GPC5: variants seen among roughly 807,000 people sequenced by gnomAD.
GPC5 encodes glypican 5, also known as glypican-5.
In GPC5, 47 loss-of-function variants were observed where a neutral mutation model predicts 53.9. The ratio of observed to expected loss-of-function variants is 0.87; its 90% CI spans 0.69 to 1.11. GPC5 has a LOEUF of 1.11. Among genes scored for constraint, GPC5 ranks in the 50% most tolerant of loss-of-function variants. The pLI is 0.00. For synonymous variants in GPC5, 286 were observed against 263.3 expected (o/e 1.09, Z -0.84); for missense variants, 748 against 713.1 (o/e 1.05, Z -0.56).
chr13:92,091,372 T>A (rs1299980454), intron 6 of GPC5, among the ~76,000 whole-genome samples: 1 of 152,128 alleles, frequency 6.6e-6, no homozygotes, highest in African/African-American at 2.4e-5. Context: ...AGGATTAAGA[T>A]TTTCTAATAC....
chr13:91,677,296 T>A (rs1006414282), intron 2 of GPC5, among the ~76,000 whole-genome samples: 1 of 152,158 alleles, frequency 6.6e-6, no homozygotes, highest in Non-Finnish European at 1.5e-5. Flanking sequence ...TTTTAATGAT[T>A]TTCAAATATA....
At chr13:92,403,171 G>GA (rs1875635041) in intron 7 of GPC5, among the ~76,000 whole-genome samples, 1 of 152,052 alleles carries the variant, frequency 6.6e-6, no homozygotes, top group South Asian at 2.1e-4. Flanking sequence ...ACAAGATGCC[G>GA]AAAAAATGGT....
At chr13:91,539,881 A>C (rs537093843) in intron 2 of GPC5, among the ~76,000 whole-genome samples, 1 of 152,130 alleles carries the variant, frequency 6.6e-6, no homozygotes, top group Admixed American at 6.5e-5. Context: ...GAAAAAAAAA[A>C]CCTGACAAGT....
At chr13:91,464,136 A>C (rs1416180640) in intron 2 of GPC5, among the ~76,000 whole-genome samples, 1 of 152,162 alleles carries the variant, frequency 6.6e-6, no homozygotes, top group African/African-American at 2.4e-5. Context: ...AAAGATATGC[A>C]ACATCTAGCT....
intron 1 of GPC5, among the ~76,000 whole-genome samples, chr13:91,405,501 C>A (rs1453263970): frequency 6.6e-6 from 1 of 152,180 alleles, no homozygotes; most frequent in East Asian, 1.9e-4. Context: ...AATGTCAGCT[C>A]TTCACAGAGG....
At chr13:92,446,284 C>T (rs1253011872) in intron 7 of GPC5, among the ~76,000 whole-genome samples, 1 of 151,662 alleles carries the variant, frequency 6.6e-6, no homozygotes. Context: ...CATCTTTCTA[C>T]TCTCTATCCC....
Position 91,917,864 on chromosome 13 carries a change from T to A in GPC5, c.1401+9807T>A, listed in dbSNP as rs960554011. 5.3e-5 allele frequency among the ~76,000 whole-genome samples: 8 copies of A among 152,302 alleles called. No individual in the cohort carries two copies. In the South Asian group the frequency reaches 1.7e-3, roughly 32 times the overall value. ...TCTAGGAAGTTCCAAAATTCCCACA[T>A]CATCTGTCTTCTTCTGAGCCCTCCA... On this transcript the variant is annotated intron_variant, in intron 6 of 7. Coordinates refer to ENST00000377067, the MANE Select transcript of GPC5 (RefSeq NM_004466.6).
intron 7 of GPC5, among the ~76,000 whole-genome samples, chr13:92,704,901 A>G (rs1036052643): frequency 5.3e-5 from 5 of 94,094 alleles, no homozygotes; most frequent in African/African-American, 1.8e-4. Flanking sequence ...ATATATGAGT[A>G]TATATATATA....
chr13:92,669,847 C>G (rs908622989), intron 7 of GPC5, among the ~76,000 whole-genome samples: 1 of 152,158 alleles, frequency 6.6e-6, no homozygotes, highest in African/African-American at 2.4e-5. Context: ...ACCCCATGTC[C>G]CTTCATAGTC....
In GPC5 at chr13:92,208,807, A is replaced by G. The variant is rs564341058; in HGVS notation, c.1561+63818A>G. 4.6e-5 allele frequency among the ~76,000 whole-genome samples: 7 copies of G among 152,362 alleles called. No individual in the cohort carries two copies. In the East Asian group the frequency reaches 1.2e-3, roughly 25 times the overall value. ...ACTTCAGATAAAGGATAACAAGCAT[A>G]TATAAGACTAAAAACATAATTTATA... is the stretch of plus-strand genomic sequence containing the variant. On this transcript the variant is annotated intron_variant, in intron 7 of 7. Transcript: ENST00000377067.
chr13:92,378,666 A>G (rs2043714322), intron 7 of GPC5, among the ~76,000 whole-genome samples: 1 of 152,216 alleles, frequency 6.6e-6, no homozygotes, highest in African/African-American at 2.4e-5. Flanking sequence ...CTTTTTATAG[A>G]GTTTTAATGA....
intron 6 of GPC5, among the ~76,000 whole-genome samples, chr13:91,923,000 C>G (rs1292982832): frequency 6.6e-6 from 1 of 152,290 alleles, no homozygotes. Flanking sequence ...GTTCATAAGG[C>G]TTTCCGGTAA....
intron 6 of GPC5, among the ~76,000 whole-genome samples, chr13:91,989,610 G>A (rs1312092653): frequency 3.3e-5 from 5 of 152,062 alleles, no homozygotes; most frequent in Admixed American, 6.6e-5. Context: ...TATACGATAG[G>A]TACTAGAAAT....
At chr13:91,990,843 A>G (rs973735357) in intron 6 of GPC5, among the ~76,000 whole-genome samples, 1 of 152,214 alleles carries the variant, frequency 6.6e-6, no homozygotes, top group Non-Finnish European at 1.5e-5. Flanking sequence ...AGATACAGCT[A>G]TTGCAAATAA....
At chr13:91,602,404 C>T (rs922840109) in intron 2 of GPC5, among the ~76,000 whole-genome samples, 2 of 152,176 alleles carry the variant, frequency 1.3e-5, no homozygotes, top group African/African-American at 4.8e-5. Context: ...AATTTGTAAT[C>T]ATGGATGTAA....
At chr13:92,233,831 C>A (rs71427538) in intron 7 of GPC5, among the ~76,000 whole-genome samples, 1 of 151,736 alleles carries the variant, frequency 6.6e-6, no homozygotes, top group African/African-American at 2.4e-5. Flanking sequence ...ACAACAGTCC[C>A]CGGTGTGTGA....
intron 2 of GPC5, among the ~76,000 whole-genome samples, chr13:91,612,166 G>A (rs1378755209): frequency 1.3e-5 from 2 of 152,176 alleles, no homozygotes; most frequent in Admixed American, 6.5e-5. Flanking sequence ...TGGCAGTCTT[G>A]TTTGGCTGGG....
chr13:91,542,947 C>G (rs1047225818), intron 2 of GPC5, among the ~76,000 whole-genome samples: 2 of 151,004 alleles, frequency 1.3e-5, no homozygotes, highest in African/African-American at 4.9e-5. Flanking sequence ...AGCTCCGCCT[C>G]CTGGGTTCAT....
intron 7 of GPC5, among the ~76,000 whole-genome samples, chr13:92,248,732 A>G (rs2042670794): frequency 6.6e-6 from 1 of 152,158 alleles, no homozygotes; most frequent in African/African-American, 2.4e-5. Flanking sequence ...AAAAGGCATA[A>G]GGCCGTTGCT....
Sources: allele counts gnomAD v4.1 joint callset (sites outside exome capture counted in the v4.1 genomes callset), GRCh38; gene constraint gnomAD v4.1.1; transcripts MANE v1.5; gene names NCBI Gene and HGNC (gene_info 2026-07-23, HGNC 2026-07-21).